PALM2AKAP2: variants seen among roughly 807,000 people sequenced by gnomAD.
PALM2AKAP2 encodes the protein PALM2 and AKAP2 fusion.
In PALM2AKAP2, 37 loss-of-function variants were observed where a neutral mutation model predicts 71.5. The observed-to-expected ratio is 0.52, with a 90% CI of 0.40 to 0.68. The LOEUF (loss-of-function observed/expected upper bound fraction) is 0.68, where lower values mean the gene tolerates loss of function less well. Ranked by LOEUF, PALM2AKAP2 falls within the 30% of genes least tolerant of loss-of-function variation. The probability of loss-of-function intolerance (pLI) is 0.00; values close to 1 mark genes in which losing one functional copy is unlikely to be tolerated. For missense variants in PALM2AKAP2, 1,224 were observed against 1,191.8 expected (o/e 1.03, Z -0.40); for synonymous variants, 468 against 478.8 (o/e 0.98, Z 0.29).
chr9:110,113,968 C>T (rs1390125586), intron 1 of PALM2AKAP2, among the ~76,000 whole-genome samples: 2 of 152,206 alleles, frequency 1.3e-5, no homozygotes, highest in African/African-American at 4.8e-5. Context: ...CTACCATGTT[C>T]CCATTGTGGG....
chr9:109,897,531 A>G (rs1830230083), intron 3 of PALM2AKAP2, among the ~76,000 whole-genome samples: 1 of 152,106 alleles, frequency 6.6e-6, no homozygotes, highest in Non-Finnish European at 1.5e-5. Flanking sequence ...GTGAGCCAAG[A>G]TTGCATCACT....
rs575829895 is a variant in PALM2AKAP2, at chr9:109,711,181, G to T, written c.6-69307G>T. Among the ~76,000 whole-genome samples the T allele has an allele frequency of 1.1e-3, 166 of 152,236 alleles. 1 individual carries two copies. Among genetic ancestry groups the T allele is most frequent in the African/African-American group, 3.7e-3 (155 of 41,550 alleles). The stretch of plus-strand genomic sequence containing the variant: ...CTTAATTTAAAAAAAAAATGGAAAG[G>T]TGGTGGTAGTAGCCTGGTAGTAGCC... On this transcript the variant is annotated intron_variant, in intron 1 of 6. Transcript: ENST00000374531.
chr9:110,111,163 C>T (rs1292198979), intron 1 of PALM2AKAP2, among the ~76,000 whole-genome samples: 1 of 130,718 alleles, frequency 7.7e-6, no homozygotes, highest in African/African-American at 2.9e-5. Flanking sequence ...AAGATTACGG[C>T]TCACTGCAGT....
At chr9:109,687,305 G>A (rs936921543) in intron 1 of PALM2AKAP2, among the ~76,000 whole-genome samples, 2 of 152,210 alleles carry the variant, frequency 1.3e-5, no homozygotes, top group African/African-American at 2.4e-5. Flanking sequence ...AGCTGTGAAA[G>A]TGCTAGATAA....
chr9:109,900,913 G>A (rs1467938070), intron 3 of PALM2AKAP2, among the ~76,000 whole-genome samples: 1 of 152,170 alleles, frequency 6.6e-6, no homozygotes, highest in Non-Finnish European at 1.5e-5. Flanking sequence ...ATCAGTGATG[G>A]TCTCTTCTTC....
intron 6 of PALM2AKAP2, among the ~76,000 whole-genome samples, chr9:109,952,611 G>A (rs977856829): frequency 2.6e-5 from 4 of 152,186 alleles, no homozygotes; most frequent in African/African-American, 4.8e-5. Flanking sequence ...AAAGTGCTGG[G>A]GATACCAGAA....
intron 7 of PALM2AKAP2, among the ~76,000 whole-genome samples, chr9:110,019,905 G>A (rs1334828144): frequency 1.3e-5 from 2 of 152,036 alleles, no homozygotes. Context: ...AATATACCTT[G>A]TATCAAGCCT....
At chr9:110,128,446 C>G (rs1414369975) in intron 1 of PALM2AKAP2, among the ~76,000 whole-genome samples, 1 of 152,164 alleles carries the variant, frequency 6.6e-6, no homozygotes, top group African/African-American at 2.4e-5. Context: ...TGTTTTATAG[C>G]CATGCCTCTG....
intron 6 of PALM2AKAP2, among the ~76,000 whole-genome samples, chr9:110,013,914 C>T (rs979464524): frequency 9.2e-5 from 14 of 152,162 alleles, no homozygotes; most frequent in African/African-American, 3.4e-4. Context: ...CTTGATTTAG[C>T]ACAGAGGCTG....
At chr9:110,026,735 A>C (rs1833187670) in intron 7 of PALM2AKAP2, among the ~76,000 whole-genome samples, 1 of 152,210 alleles carries the variant, frequency 6.6e-6, no homozygotes, top group Non-Finnish European at 1.5e-5. Context: ...TTTTTAATAC[A>C]TTATGTTAAT....
intron 1 of PALM2AKAP2, among the ~76,000 whole-genome samples, chr9:109,795,337 C>A (rs919047384): frequency 6.6e-6 from 1 of 152,126 alleles, no homozygotes; most frequent in African/African-American, 2.4e-5. Flanking sequence ...GGGATTTATC[C>A]CTTTAAGTCT....
chr9:110,078,729 C>CA (rs1392083474), intron 1 of PALM2AKAP2, among the ~76,000 whole-genome samples: 1 of 152,190 alleles, frequency 6.6e-6, no homozygotes, highest in Non-Finnish European at 1.5e-5. Context: ...ACTGTTGACT[C>CA]AAATAATTAA....
At chr9:109,753,573 C>T (rs144603717) in intron 1 of PALM2AKAP2, among the ~76,000 whole-genome samples, 2 of 152,148 alleles carry the variant, frequency 1.3e-5, no homozygotes, top group Admixed American at 6.6e-5. Flanking sequence ...AAGCAAGCCA[C>T]GTTGACAGTT....
intron 1 of PALM2AKAP2, among the ~76,000 whole-genome samples, chr9:109,702,792 G>A (rs1441985163): frequency 6.7e-6 from 1 of 149,608 alleles, no homozygotes; most frequent in Admixed American, 6.6e-5. Context: ...GCATGATGAT[G>A]TAACTTTTGT....
At chr9:110,047,900 C>A (rs1026147153), upstream of PALM2AKAP2, among the ~76,000 whole-genome samples, 13 of 152,156 alleles carry the variant, frequency 8.5e-5, no homozygotes, top group Non-Finnish European at 1.6e-4. Flanking sequence ...TCAGACATCT[C>A]AAGAGTGAGG....
chr9:109,845,521 G>C (rs993001338), intron 1 of PALM2AKAP2, among the ~76,000 whole-genome samples: 1 of 152,190 alleles, frequency 6.6e-6, no homozygotes, highest in Admixed American at 6.5e-5. Context: ...TGTTCAGTCT[G>C]TCCTGGGTGA....
At chr9:109,814,765 C>T (rs927322363) in intron 1 of PALM2AKAP2, among the ~76,000 whole-genome samples, 18 of 152,208 alleles carry the variant, frequency 1.2e-4, no homozygotes, top group Admixed American at 1.1e-3. Context: ...ACTCATCTAT[C>T]AACCATTAAG....
intron 1 of PALM2AKAP2, among the ~76,000 whole-genome samples, chr9:110,076,834 A>G (rs1834334628): frequency 6.6e-6 from 1 of 152,154 alleles, no homozygotes; most frequent in African/African-American, 2.4e-5. Context: ...TGATCCTGGC[A>G]TCTGTCAAGG....
At chr9:109,770,645 T>C (rs1293265638) in intron 1 of PALM2AKAP2, among the ~76,000 whole-genome samples, 1 of 152,222 alleles carries the variant, frequency 6.6e-6, no homozygotes, top group Non-Finnish European at 1.5e-5. Flanking sequence ...AGAACATTCA[T>C]GAGCAAATGC....
Sources: gnomAD v4.1 joint callset for allele counts (sites outside exome capture counted in the v4.1 genomes callset) on GRCh38, gnomAD v4.1.1 for gene constraint, MANE v1.5 for transcripts, NCBI Gene and HGNC (gene_info 2026-07-23, HGNC 2026-07-21) for gene names.